The following GPC5 variants were observed in gnomAD, a reference collection of about 807,000 sequenced individuals.
GPC5 encodes the protein glypican 5, also known as glypican-5.
A neutral mutation model predicts 53.9 loss-of-function variants in GPC5; 47 were observed. That is an observed-to-expected ratio of 0.87 (90% CI 0.69 to 1.11). The LOEUF (loss-of-function observed/expected upper bound fraction) is 1.11, where lower values mean the gene tolerates loss of function less well. Ranked by LOEUF, GPC5 falls within the 50% of genes most tolerant of loss-of-function variation. The pLI is 0.00. For synonymous variants in GPC5, 286 were observed against 263.3 expected, an observed-to-expected ratio of 1.09 and a Z score of -0.84; for missense variants, 748 against 713.1, an observed-to-expected ratio of 1.05 and a Z score of -0.56.
intron 7 of GPC5, among the ~76,000 whole-genome samples, chr13:92,504,668 C>T (rs2138940032): frequency 6.6e-6 from 1 of 151,956 alleles, no homozygotes. Context: ...AGAAGATAAT[C>T]CAGAAGTAGA....
intron 2 of GPC5, among the ~76,000 whole-genome samples, chr13:91,630,064 C>G (rs1227887587): frequency 6.6e-6 from 1 of 152,116 alleles, no homozygotes; most frequent in Non-Finnish European, 1.5e-5. Flanking sequence ...CTCATTCATG[C>G]TTTAGAGATC....
chr13:92,633,220 A>T (rs1885312995), intron 7 of GPC5, among the ~76,000 whole-genome samples: 1 of 152,074 alleles, frequency 6.6e-6, no homozygotes, highest in South Asian at 2.1e-4. Context: ...AAACCATCAG[A>T]TCTCCTCATT....
chr13:92,000,755 A>G (rs1002969030), intron 6 of GPC5, among the ~76,000 whole-genome samples: 6 of 152,070 alleles, frequency 3.9e-5, no homozygotes, highest in African/African-American at 1.4e-4. Context: ...AAGCTGTGGG[A>G]TTTCTTGGTA....
chr13:91,704,498 C>T (rs966119202), intron 3 of GPC5, among the ~76,000 whole-genome samples: 13 of 152,222 alleles, frequency 8.5e-5, no homozygotes, highest in African/African-American at 2.4e-4. Context: ...GTATTACATA[C>T]AGCATCATGG....
chr13:91,426,247 C>A (rs958645618), intron 1 of GPC5, among the ~76,000 whole-genome samples: 1 of 151,748 alleles, frequency 6.6e-6, no homozygotes, highest in African/African-American at 2.4e-5. Context: ...GAGACCTTCC[C>A]GGTAGCCCCT....
intron 6 of GPC5, among the ~76,000 whole-genome samples, chr13:92,038,296 TA>T (rs1319522831): frequency 1.3e-5 from 2 of 151,436 alleles, no homozygotes; most frequent in East Asian, 4.0e-4. Flanking sequence ...GAGGGAGAAA[TA>T]TTCATTAGGC....
chr13:91,829,567 T>C (rs1236553204), intron 5 of GPC5, among the ~76,000 whole-genome samples: 5 of 152,054 alleles, frequency 3.3e-5, no homozygotes, highest in African/African-American at 1.2e-4. Flanking sequence ...AATGAGTAAA[T>C]AGAGCAAAAT....
intron 7 of GPC5, among the ~76,000 whole-genome samples, chr13:92,658,327 C>T (rs541967658): frequency 2.8e-4 from 42 of 152,292 alleles, no homozygotes; most frequent in African/African-American, 9.9e-4. Flanking sequence ...AAGCGCAAGA[C>T]ACAATACAAG....
chr13:91,416,474 T>A (rs1362331220), intron 1 of GPC5, among the ~76,000 whole-genome samples: 3 of 152,048 alleles, frequency 2.0e-5, no homozygotes, highest in African/African-American at 4.8e-5. Context: ...TTATTATTAT[T>A]ATACTTTAAG....
intron 7 of GPC5, among the ~76,000 whole-genome samples, chr13:92,149,324 C>A (rs115357566): frequency 3.1e-4 from 47 of 152,134 alleles, no homozygotes; most frequent in African/African-American, 1.1e-3. Context: ...CTATCCAGTT[C>A]ATAAAGCATT....
chr13:91,733,646 T>C (rs1446879610), intron 4 of GPC5, among the ~76,000 whole-genome samples: 3 of 152,210 alleles, frequency 2.0e-5, no homozygotes, highest in Non-Finnish European at 4.4e-5. Context: ...TGTTGAGTTA[T>C]AGGAATGCTT....
intron 7 of GPC5, among the ~76,000 whole-genome samples, chr13:92,737,748 C>CTT (rs200370425): frequency 1.8e-5 from 2 of 108,158 alleles, no homozygotes; most frequent in East Asian, 2.5e-4. Flanking sequence ...TATTTTCTTT[C>CTT]TTTTTTTTTT....
intron 6 of GPC5, among the ~76,000 whole-genome samples, chr13:91,989,116 G>A (rs1300490621): frequency 6.6e-6 from 1 of 152,108 alleles, no homozygotes; most frequent in Non-Finnish European, 1.5e-5. Context: ...TTGGGAACCT[G>A]TTAGATTGGA....
intron 7 of GPC5, among the ~76,000 whole-genome samples, chr13:92,537,045 T>C (rs1881748128): frequency 1.3e-5 from 2 of 152,088 alleles, no homozygotes; most frequent in South Asian, 4.1e-4. Context: ...GTTTTTAGCT[T>C]ACAATTAAGG....
In GPC5 at chr13:91,536,463, T is replaced by C. The variant is rs1364918203; in HGVS notation, c.325+87541T>C. ...TCTTATTCCCCAATAATTGCCATTA[T>C]TGGACCAATTTGGAAGACATTATTT... On this transcript the variant is annotated intron_variant, in intron 2 of 7. Transcript: ENST00000377067. 3.9e-5 allele frequency among the ~76,000 whole-genome samples: 6 copies of C among 152,198 alleles called. No homozygotes were observed. In the East Asian group the frequency reaches 1.2e-3, roughly 29 times the overall value.
chr13:91,870,932 T>C (rs560101456), intron 5 of GPC5, among the ~76,000 whole-genome samples: 1 of 152,184 alleles, frequency 6.6e-6, no homozygotes, highest in Non-Finnish European at 1.5e-5. Context: ...TTTTCAGAAT[T>C]TGGAATATTT....
intron 7 of GPC5, among the ~76,000 whole-genome samples, chr13:92,315,078 A>G (rs778723893): frequency 6.6e-6 from 1 of 152,174 alleles, no homozygotes; most frequent in Non-Finnish European, 1.5e-5. Flanking sequence ...CTCCTGGCCC[A>G]GAATAGTGTC....
At chr13:92,806,624 T>C (rs1394870978) in intron 7 of GPC5, among the ~76,000 whole-genome samples, 1 of 152,054 alleles carries the variant, frequency 6.6e-6, no homozygotes, top group Non-Finnish European at 1.5e-5. Flanking sequence ...TTAGGGTTAT[T>C]AATTAGCCTA....
At chr13:91,724,570 T>G (rs1270593156) in intron 3 of GPC5, among the ~76,000 whole-genome samples, 1 of 152,064 alleles carries the variant, frequency 6.6e-6, no homozygotes, top group Non-Finnish European at 1.5e-5. Flanking sequence ...GACTATGGGG[T>G]AGGCACGGTG....
Sources: gnomAD v4.1 joint callset for allele counts (sites outside exome capture counted in the v4.1 genomes callset) on GRCh38, gnomAD v4.1.1 for gene constraint, MANE v1.5 for transcripts, NCBI Gene and HGNC (gene_info 2026-07-23, HGNC 2026-07-21) for gene names.